Variants in DNAH11 observed in about 807,000 individuals in gnomAD.
The protein encoded by DNAH11 is dynein axonemal heavy chain 11.
A neutral mutation model predicts 526.0 loss-of-function variants in DNAH11; 442 were observed. The ratio of observed to expected loss-of-function variants is 0.84; its 90% CI spans 0.78 to 0.91. The LOEUF is 0.91. Ranked by LOEUF, DNAH11 falls within the 40% of genes least tolerant of loss-of-function variation. The pLI, the probability that DNAH11 is intolerant of heterozygous loss-of-function variation, is 0.00. For missense variants in DNAH11, 6,989 were observed against 5,448.7 expected (o/e 1.28, Z -8.90); for synonymous variants, 2,461 against 1,935.9 (o/e 1.27, Z -7.12).
chr7:21,812,890 T>C (rs560712426), intron 63 of DNAH11, among the ~76,000 whole-genome samples: 1 of 152,178 alleles, frequency 6.6e-6, no homozygotes, highest in Admixed American at 6.5e-5. Context: ...AAGTCCAGTA[T>C]CCAGCCTGGG....
chr7:21,631,511 G>A (rs1042373109), intron 25 of DNAH11, among the ~76,000 whole-genome samples: 1 of 152,182 alleles, frequency 6.6e-6, no homozygotes, highest in African/African-American at 2.4e-5. Context: ...AGATAAAATG[G>A]GGGTACAGCT....
At chr7:21,745,340 T>A (rs1486544619) in intron 51 of DNAH11, among the ~76,000 whole-genome samples, 5 of 152,226 alleles carry the variant, frequency 3.3e-5, no homozygotes, top group African/African-American at 1.2e-4. Context: ...AGTCACATAG[T>A]TCATAAGGGA....
intron 2 of DNAH11, among the ~76,000 whole-genome samples, chr7:21,546,999 T>C (rs962156481): frequency 2.6e-5 from 4 of 152,250 alleles, no homozygotes; most frequent in Non-Finnish European, 5.9e-5. Flanking sequence ...TAGGTGTATA[T>C]GTCCTTGGTG....
intron 26 of DNAH11, among the ~76,000 whole-genome samples, chr7:21,637,024 T>G (rs1318717645): frequency 6.6e-6 from 1 of 152,184 alleles, no homozygotes; most frequent in African/African-American, 2.4e-5. Context: ...TCATAAAAAT[T>G]GAGATTAAAA....
intron 20 of DNAH11, among the ~76,000 whole-genome samples, chr7:21,612,984 T>G (rs369053303): frequency 9.2e-5 from 14 of 152,302 alleles, no homozygotes; most frequent in African/African-American, 3.4e-4. Flanking sequence ...TTAGCAGCCA[T>G]TTTTTACCTA....
intron 61 of DNAH11, among the ~76,000 whole-genome samples, chr7:21,798,705 C>A (rs1016414539): frequency 2.0e-5 from 3 of 152,188 alleles, no homozygotes; most frequent in Non-Finnish European, 4.4e-5. Context: ...CTCCAGCAAG[C>A]ATACAGCAGA....
rs768926967 is a variant in DNAH11 at position 21,581,944 on chromosome 7, C to T, written c.1633C>T (p.Leu545=). The T allele has an allele frequency of 6.2e-7, 1 of 1,612,968 alleles. No individual in the cohort carries two copies. ...TTATGTGGCATTTAAGTCCAAAACT[C>T]TGGAATTTGACAGAAGGCTTGGGAC... ...SDYVAFKSKT[L]EFDRRLGTII... is the part of the protein sequence containing the mutation. The change falls in exon 9 of 82, where the codon CTG becomes TTG. Residue 545 remains leucine, a synonymous_variant. Transcript: ENST00000409508.
At chr7:21,771,523 C>T (rs1402342596) in intron 55 of DNAH11, among the ~76,000 whole-genome samples, 4 of 152,100 alleles carry the variant, frequency 2.6e-5, no homozygotes, top group East Asian at 1.9e-4. Flanking sequence ...AAATTAAACA[C>T]GTTTTCTTAA....
chr7:21,800,896 A>G (rs1788956819), intron 61 of DNAH11, among the ~76,000 whole-genome samples: 2 of 152,132 alleles, frequency 1.3e-5, no homozygotes, highest in African/African-American at 4.8e-5. Context: ...CATTCTGCCC[A>G]GTGGAGGCAG....
At position 21,571,686 on chromosome 7, in the gene DNAH11, C is replaced by T. The variant is rs1174244886; in HGVS notation, c.1426-120C>T. The stretch of plus-strand genomic sequence containing the variant: ...TTTCTGTCATGAAAATATTTATTTT[C>T]TGTCATTTTCTGTCATTGACTCATT... On this transcript the variant is annotated intron_variant, in intron 7 of 81. Transcript: ENST00000409508. 5 of 541,078 alleles carry T rather than the reference C, an allele frequency of 9.2e-6. No homozygotes were observed. In the East Asian group the frequency reaches 1.6e-4, roughly 17 times the overall value. The allele number at this position is 541,078 out of a possible 1,614,324, so 33.5% of individuals were successfully genotyped here.
At chr7:21,628,175 AAC>A (rs1187662310) in intron 25 of DNAH11, among the ~76,000 whole-genome samples, 1 of 151,808 alleles carries the variant, frequency 6.6e-6, no homozygotes, top group Non-Finnish European at 1.5e-5. Flanking sequence ...TATCAGTTCT[AAC>A]AGTTTTTTTT....
Position 21,687,196 on chromosome 7 carries a change from G to A in DNAH11, c.5719G>A (p.Gly1907Arg), listed in dbSNP as rs1251196025. The A allele has an allele frequency of 6.2e-7, 1 of 1,610,702 alleles. No individual in the cohort carries two copies. The highest frequency in any genetic ancestry group is 8.5e-7 in the Non-Finnish European group (1 of 1,178,594). ...TGKTETTKDL[G>R]RALGMMVYVF... ...GAAAACAGAGACCACCAAAGACCTAGGACGTGCCCTTGGCATGATGGTCTA... is the reference window on the plus strand; with the variant it reads ...GAAAACAGAGACCACCAAAGACCTAAGACGTGCCCTTGGCATGATGGTCTA... Residue 1907 changes from glycine (G) to arginine (R), a missense_variant, in exon 33 of 82, where the codon GGA becomes AGA. Physicochemically the swap from Gly to Arg is moderately radical, Grantham distance 125. Transcript: ENST00000409508.
At chr7:21,846,225 C>T (rs901043260) in intron 66 of DNAH11, among the ~76,000 whole-genome samples, 1 of 151,978 alleles carries the variant, frequency 6.6e-6, no homozygotes, top group East Asian at 1.9e-4. Flanking sequence ...CTTTAATTTC[C>T]TTTTCTTGTC....
chr7:21,829,947 C>T (rs1301395513), intron 65 of DNAH11, among the ~76,000 whole-genome samples: 1 of 152,140 alleles, frequency 6.6e-6, no homozygotes, highest in Non-Finnish European at 1.5e-5. Context: ...GTGTTTTTAA[C>T]GTGATTTGCA....
intron 74 of DNAH11, among the ~76,000 whole-genome samples, chr7:21,879,477 C>T (rs1783833778): frequency 6.6e-6 from 1 of 151,368 alleles, no homozygotes; most frequent in Non-Finnish European, 1.5e-5. Context: ...AAAAAAAAAA[C>T]CTCACAGGTC....
chr7:21,600,854 C>A lies in DNAH11; in HGVS notation c.3179C>A (p.Ser1060Tyr). Residue 1060 changes from serine to tyrosine, a missense_variant, in exon 16 of 82, where the codon TCT (serine) becomes TAT (tyrosine). By Grantham distance (144) the Ser-to-Tyr change is moderately radical. Transcript: ENST00000409508. ...KHFLLYGHAV[S>Y]SDEMDAHANE... Reference sequence around the variant, plus strand: ...TTTCTCTTGTATGGCCATGCTGTGTCTTCCGATGAAATGGATGCTCATGCA... The same window carrying A: ...TTTCTCTTGTATGGCCATGCTGTGTATTCCGATGAAATGGATGCTCATGCA... 1 of 1,613,954 alleles carries A rather than the reference C, an allele frequency of 6.2e-7. No individual in the cohort carries two copies. Among genetic ancestry groups the A allele is most frequent in the Non-Finnish European group, 8.5e-7 (1 of 1,179,864 alleles).
At chr7:21,732,232 C>A (rs1018787573) in intron 45 of DNAH11, among the ~76,000 whole-genome samples, 3 of 152,214 alleles carry the variant, frequency 2.0e-5, no homozygotes, top group Non-Finnish European at 4.4e-5. Flanking sequence ...TGAGGCCTCA[C>A]TCCTCGTAGC....
chr7:21,735,633 C>G lies in DNAH11; in HGVS notation c.7441-7C>G, dbSNP rs761526358. 1.3e-6 allele frequency: 2 copies of G among 1,569,268 alleles called. No homozygotes were observed. Among genetic ancestry groups the G allele is most frequent in the East Asian group, 4.7e-5 (2 of 42,778 alleles). ...TGATCTTTGTCTCATTCTGTTTCTC[C>G]TCCCAGACAGTTCTCGTTCACACAA... On this transcript the variant is annotated splice_region_variant and splice_polypyrimidine_tract_variant and intron_variant, in intron 45 of 81. Coordinates refer to ENST00000409508, the MANE Select transcript of DNAH11 (RefSeq NM_001277115.2).
At chr7:21,652,122 C>T (rs1781803808) in intron 28 of DNAH11, among the ~76,000 whole-genome samples, 1 of 152,088 alleles carries the variant, frequency 6.6e-6, no homozygotes, top group African/African-American at 2.4e-5. Context: ...AGCTGACGGA[C>T]AGTGATGACC....
Sources: gnomAD v4.1 joint callset for allele counts (sites outside exome capture counted in the v4.1 genomes callset) on GRCh38, gnomAD v4.1.1 for gene constraint, MANE v1.5 for transcripts, NCBI Gene and HGNC (gene_info 2026-07-23, HGNC 2026-07-21) for gene names.